The following COL24A1 variants were observed in gnomAD, a reference collection of about 807,000 sequenced individuals.
COL24A1 encodes the protein collagen alpha-1(XXIV) chain.
In COL24A1, 224 loss-of-function variants were observed where a neutral mutation model predicts 253.9. The observed-to-expected ratio is 0.88, with a 90% CI of 0.79 to 0.99. COL24A1 has a LOEUF of 0.99. Ranked by LOEUF, COL24A1 falls within the 50% of genes least tolerant of loss-of-function variation. COL24A1 has a pLI of 0.00. For synonymous variants in COL24A1, 685 were observed against 673.7 expected, an observed-to-expected ratio of 1.02 and a Z score of -0.26; for missense variants, 2,131 against 2,068.5, an observed-to-expected ratio of 1.03 and a Z score of -0.59.
rs561771660 is a variant in COL24A1, at chr1:85,794,894, T to G, written c.3952-8433A>C. ...ACCAGAGACTTCCTTTATTCTCAGA[T>G]AGGAGCCAGTCTCCCTACCGAAATA... On this transcript the variant is annotated intron_variant, in intron 47 of 59. Coordinates refer to ENST00000370571, the MANE Select transcript of COL24A1 (RefSeq NM_152890.7). 6.6e-5 allele frequency among the ~76,000 whole-genome samples: 10 copies of G among 152,238 alleles called. No individual in the cohort carries two copies. The South Asian group carries it at 2.1e-3, about 32-fold the overall frequency.
chr1:86,131,763 G>C (rs1056775612), intron 2 of COL24A1, among the ~76,000 whole-genome samples: 3 of 152,010 alleles, frequency 2.0e-5, no homozygotes, highest in Admixed American at 6.5e-5. Flanking sequence ...GTCTATCATT[G>C]TTGAACATTT....
rs770467150 is a variant in COL24A1, at chr1:86,017,216, G to A, written c.2257-12C>T. 2 of 1,553,578 alleles carry A rather than the reference G, an allele frequency of 1.3e-6. No homozygotes were observed. The highest frequency in any genetic ancestry group is 1.2e-5 in the South Asian group (1 of 82,462). Reference sequence around the variant, plus strand: ...TCACCTGTTTGGCCCTAAAATGGGGGGGGAGGATCAAAGTATAAACATAAA... The same window carrying A: ...TCACCTGTTTGGCCCTAAAATGGGGAGGGAGGATCAAAGTATAAACATAAA... On this transcript the variant is annotated splice_polypyrimidine_tract_variant and intron_variant, in intron 18 of 59. Coordinates refer to ENST00000370571, the MANE Select transcript of COL24A1 (RefSeq NM_152890.7).
In COL24A1 at chr1:85,786,347, A is replaced by G. The variant is rs1333722206; in HGVS notation, c.4059+7T>C. The G allele has an allele frequency of 1.2e-6, 2 of 1,612,698 alleles. No homozygotes were observed. Among genetic ancestry groups the G allele is most frequent in the South Asian group, 2.2e-5 (2 of 90,914 alleles). ...TGCTTACCCATTGGAACAAAATATT[A>G]AAGTACCTTTGGGCCTTGAATTCCT... is the stretch of plus-strand genomic sequence containing the variant. On this transcript the variant is annotated splice_region_variant and intron_variant, in intron 48 of 59. Coordinates refer to ENST00000370571, the MANE Select transcript of COL24A1 (RefSeq NM_152890.7).
intron 47 of COL24A1, among the ~76,000 whole-genome samples, chr1:85,807,514 T>C (rs1339441447): frequency 6.6e-6 from 1 of 152,198 alleles, no homozygotes; most frequent in East Asian, 1.9e-4. Context: ...CACAGATCTG[T>C]GGTGATGGTT....
intron 14 of COL24A1, among the ~76,000 whole-genome samples, chr1:86,031,413 AAAT>A (rs1336612127): frequency 6.6e-6 from 1 of 152,138 alleles, no homozygotes; most frequent in East Asian, 1.9e-4. Context: ...TAACACAAAG[AAAT>A]AATAAGTGCT....
rs779563056 is a variant in COL24A1 at position 86,156,323 on chromosome 1, G to A, written c.56+18C>T. The A allele has an allele frequency of 2.5e-6, 4 of 1,611,168 alleles. No individual in the cohort carries two copies. Among genetic ancestry groups the A allele is most frequent in the East Asian group, 2.2e-5 (1 of 44,724 alleles). On this transcript the variant is annotated intron_variant, in intron 1 of 59. Coordinates refer to ENST00000370571, the MANE Select transcript of COL24A1 (RefSeq NM_152890.7). ...GGTTGGTCTAACCCCTACCCTACCCGGCGGGTGGGCTACTTACGTTTTTGC... is the reference window on the plus strand; with the variant it reads ...GGTTGGTCTAACCCCTACCCTACCCAGCGGGTGGGCTACTTACGTTTTTGC...
chr1:86,040,167 C>T (rs922433563), intron 12 of COL24A1, among the ~76,000 whole-genome samples: 1 of 152,098 alleles, frequency 6.6e-6, no homozygotes, highest in African/African-American at 2.4e-5. Context: ...TGTTCTGTCC[C>T]TCAATAATAA....
intron 7 of COL24A1, among the ~76,000 whole-genome samples, chr1:86,073,880 A>C (rs531084351): frequency 4.0e-4 from 61 of 152,344 alleles, no homozygotes; most frequent in African/African-American, 1.3e-3. Flanking sequence ...AAGCTTCATA[A>C]ATGAAGGATA....
At chr1:86,048,063 TACAA>T (rs1406896580) in intron 11 of COL24A1, among the ~76,000 whole-genome samples, 6 of 152,192 alleles carry the variant, frequency 3.9e-5, no homozygotes, top group Admixed American at 6.5e-5. Flanking sequence ...ATTTACATAA[TACAA>T]ACAATCTTTT....
chr1:86,151,263 T>C (rs1447294368), intron 1 of COL24A1, among the ~76,000 whole-genome samples: 2 of 152,150 alleles, frequency 1.3e-5, no homozygotes, highest in African/African-American at 4.8e-5. Flanking sequence ...AACAGTCTAG[T>C]TGGTATATTA....
intron 12 of COL24A1, among the ~76,000 whole-genome samples, chr1:86,035,112 T>C (rs755962914): frequency 6.6e-6 from 1 of 152,114 alleles, no homozygotes; most frequent in Non-Finnish European, 1.5e-5. Context: ...GTTTCTAAAA[T>C]ATAGTTAACT....
intron 8 of COL24A1, among the ~76,000 whole-genome samples, chr1:86,061,252 C>T (rs1259460079): frequency 6.6e-6 from 1 of 152,052 alleles, no homozygotes; most frequent in Non-Finnish European, 1.5e-5. Flanking sequence ...TTTACAACCA[C>T]CTTCCTATAT....
At chr1:85,883,153 T>A (rs1399251997) in intron 32 of COL24A1, among the ~76,000 whole-genome samples, 25 of 152,130 alleles carry the variant, frequency 1.6e-4, no homozygotes. Context: ...TATTGCTTCT[T>A]CTTCTTTCGT....
chr1:85,978,113 T>C (rs775017812), intron 20 of COL24A1, among the ~76,000 whole-genome samples: 2 of 152,172 alleles, frequency 1.3e-5, no homozygotes, highest in Non-Finnish European at 1.5e-5. Context: ...TCAAGAATTC[T>C]GTATCCAGCA....
intron 33 of COL24A1, among the ~76,000 whole-genome samples, 179 bp downstream of exon 33, chr1:85,876,943 T>C (rs573820542): frequency 4.6e-5 from 7 of 152,330 alleles, no homozygotes; most frequent in Middle Eastern, 3.4e-3. Flanking sequence ...GAACTTTATA[T>C]GTATAAAATT....
intron 47 of COL24A1, among the ~76,000 whole-genome samples, chr1:85,812,742 C>A (rs951514335): frequency 5.3e-5 from 8 of 152,158 alleles, no homozygotes; most frequent in African/African-American, 9.7e-5. Flanking sequence ...ATCAGGTAAA[C>A]AAGATGGACC....
intron 2 of COL24A1, among the ~76,000 whole-genome samples, chr1:86,135,874 T>C (rs896443524): frequency 1.3e-5 from 2 of 152,086 alleles, no homozygotes; most frequent in East Asian, 3.9e-4. Flanking sequence ...ATATTTCTAC[T>C]TGTGCTGTGC....
At chr1:85,827,012 A>G (rs1674450060) in intron 43 of COL24A1, among the ~76,000 whole-genome samples, 1 of 151,332 alleles carries the variant, frequency 6.6e-6, no homozygotes, top group Non-Finnish European at 1.5e-5. Context: ...CCAGTTTTCA[A>G]AGGGAATGCT....
intron 37 of COL24A1, among the ~76,000 whole-genome samples, chr1:85,851,940 T>C (rs1322686774): frequency 2.6e-5 from 4 of 152,226 alleles, no homozygotes; most frequent in Admixed American, 1.3e-4. Flanking sequence ...AATATTTTCT[T>C]TCTGTTTCTT....
Sources: gnomAD v4.1 joint callset for allele counts (sites outside exome capture counted in the v4.1 genomes callset) on GRCh38, gnomAD v4.1.1 for gene constraint, MANE v1.5 for transcripts, NCBI Gene and HGNC (gene_info 2026-07-23, HGNC 2026-07-21) for gene names.